The following EPB41L3 variants were observed in gnomAD, a reference collection of about 807,000 sequenced individuals.
The protein encoded by EPB41L3 is erythrocyte membrane protein band 4.1 like 3.
A neutral mutation model predicts 127.1 loss-of-function variants in EPB41L3; 57 were observed. That is an observed-to-expected ratio of 0.45 (90% CI 0.36 to 0.56). The LOEUF (loss-of-function observed/expected upper bound fraction) is 0.56. Ranked by LOEUF, EPB41L3 falls within the 20% of genes least tolerant of loss-of-function variation. EPB41L3 has a pLI of 0.00. For missense variants in EPB41L3, 1,273 were observed against 1,372.2 expected (o/e 0.93, Z 1.14); for synonymous variants, 572 against 549.5 (o/e 1.04, Z -0.57).
chr18:5,479,651 T>G (rs961762797), intron 2 of EPB41L3: 1 of 152,120 alleles, frequency 6.6e-6, no homozygotes, highest in Non-Finnish European at 1.5e-5. Context: ...TCTTGAGAAC[T>G]TCTTAAGAAT....
chr18:5,509,541 A>C (rs1257205823), intron 1 of EPB41L3, among the ~76,000 whole-genome samples: 1 of 152,240 alleles, frequency 6.6e-6, no homozygotes, highest in Non-Finnish European at 1.5e-5. Context: ...GGAGATCAAA[A>C]GGTAAGTCAG....
At chr18:5,424,507 G>C in intron 9 of EPB41L3, 148 bp from the exon 10 acceptor site, 1 of 553,314 alleles carries the variant, frequency 1.8e-6, no homozygotes, top group Non-Finnish European at 3.1e-6. Flanking sequence ...ATGCTATACA[G>C]ATTCATTTGT....
At chr18:5,400,484 T>C (rs1316880390) in intron 16 of EPB41L3, 1 of 455,866 alleles carries the variant, frequency 2.2e-6, no homozygotes, top group Non-Finnish European at 4.4e-6. Context: ...ATGAAATGAA[T>C]TGAAAGAATA....
At chr18:5,479,731 C>CA (rs2147956360) in intron 2 of EPB41L3, 1 of 148,892 alleles carries the variant, frequency 6.7e-6, no homozygotes, top group East Asian at 2.0e-4. Context: ...TTCTAAAGGC[C>CA]AAAACAGTTG....
chr18:5,595,454 C>T (rs1207100578), intron 3 of EPB41L3, among the ~76,000 whole-genome samples: 1 of 152,208 alleles, frequency 6.6e-6, no homozygotes, highest in Non-Finnish European at 1.5e-5. Flanking sequence ...CTTCTTATGC[C>T]ATCCTCTCAG....
chr18:5,412,400 A>G (rs1422822392), intron 13 of EPB41L3, among the ~76,000 whole-genome samples: 1 of 151,914 alleles, frequency 6.6e-6, no homozygotes, highest in Non-Finnish European at 1.5e-5. Context: ...TAATTTTTGT[A>G]CTTTTAGTAG....
intron 1 of EPB41L3, among the ~76,000 whole-genome samples, chr18:5,523,271 T>C (rs1336894391): frequency 6.6e-6 from 1 of 152,204 alleles, no homozygotes; most frequent in East Asian, 1.9e-4. Context: ...AATAGAAGCT[T>C]TTCAAGAGTG....
At chr18:5,587,739 A>C (rs1418054886) in intron 3 of EPB41L3, among the ~76,000 whole-genome samples, 1 of 152,224 alleles carries the variant, frequency 6.6e-6, no homozygotes, top group East Asian at 1.9e-4. Flanking sequence ...AGAATAACAG[A>C]ATTTTAATTC....
intron 3 of EPB41L3, among the ~76,000 whole-genome samples, chr18:5,579,896 T>C (rs2094375073): frequency 6.6e-6 from 1 of 152,202 alleles, no homozygotes; most frequent in Non-Finnish European, 1.5e-5. Context: ...GTGAAGATGA[T>C]GATCACGAAG....
At chr18:5,498,291 T>A (rs1392814215) in intron 1 of EPB41L3, among the ~76,000 whole-genome samples, 1 of 152,138 alleles carries the variant, frequency 6.6e-6, no homozygotes, top group African/African-American at 2.4e-5. Context: ...GTGTTCCCTA[T>A]CATTAAAATG....
chr18:5,609,145 A>G (rs2094697004), intron 3 of EPB41L3, among the ~76,000 whole-genome samples: 2 of 152,226 alleles, frequency 1.3e-5, no homozygotes. Flanking sequence ...GCAGTTTCAA[A>G]TTTATTGAGA....
chr18:5,624,718 G>A (rs1253733427), intron 1 of EPB41L3, among the ~76,000 whole-genome samples: 2 of 152,158 alleles, frequency 1.3e-5, no homozygotes, highest in Non-Finnish European at 2.9e-5. Context: ...ACAAGTTACC[G>A]TGGAGCCCCC....
intron 12 of EPB41L3, among the ~76,000 whole-genome samples, chr18:5,418,228 C>G (rs771062647): frequency 1.3e-5 from 2 of 152,166 alleles, no homozygotes; most frequent in Non-Finnish European, 2.9e-5. Flanking sequence ...GAGACTCAGG[C>G]TATGAGGCTG....
intron 1 of EPB41L3, among the ~76,000 whole-genome samples, chr18:5,622,806 A>T (rs919920553): frequency 5.9e-5 from 9 of 152,196 alleles, no homozygotes; most frequent in African/African-American, 2.2e-4. Context: ...ATTAGGGGGA[A>T]AGAAGTATGT....
intron 14 of EPB41L3, among the ~76,000 whole-genome samples, 161 bp from the exon 15 acceptor site, chr18:5,407,897 A>T (rs1280608288): frequency 1.3e-5 from 2 of 152,210 alleles, no homozygotes; most frequent in East Asian, 3.9e-4. Flanking sequence ...ATTCTCACAC[A>T]CAATTAGGAA....
At chr18:5,485,104 C>T (rs2089500497) in intron 2 of EPB41L3, among the ~76,000 whole-genome samples, 1 of 151,874 alleles carries the variant, frequency 6.6e-6, no homozygotes, top group South Asian at 2.1e-4. Context: ...TACTAGCAAA[C>T]CGAATTCAAC....
intron 13 of EPB41L3, among the ~76,000 whole-genome samples, chr18:5,414,374 T>C (rs958211711): frequency 2.6e-5 from 4 of 152,162 alleles, no homozygotes; most frequent in Admixed American, 6.5e-5. Flanking sequence ...GCAAAATCTA[T>C]TAAAAGTGTA....
chr18:5,448,954 C>T (rs1222273467), intron 3 of EPB41L3, among the ~76,000 whole-genome samples: 1 of 152,098 alleles, frequency 6.6e-6, no homozygotes, highest in Admixed American at 6.5e-5. Flanking sequence ...TGACTTTTTA[C>T]ATTTTTTCTT....
intron 1 of EPB41L3, among the ~76,000 whole-genome samples, chr18:5,519,345 G>A (rs1260824131): frequency 6.6e-6 from 1 of 152,144 alleles, no homozygotes; most frequent in Non-Finnish European, 1.5e-5. Flanking sequence ...TTGTCCTTCA[G>A]TGCTGTCCCT....
Sources: allele counts gnomAD v4.1 joint callset (sites outside exome capture counted in the v4.1 genomes callset), GRCh38; gene constraint gnomAD v4.1.1; transcripts MANE v1.5; gene names NCBI Gene and HGNC (gene_info 2026-07-23, HGNC 2026-07-21).